CENPI: variants seen among roughly 807,000 people sequenced by gnomAD.
The protein encoded by CENPI is centromere protein I.
CENPI carries 4 observed loss-of-function variants against 60.4 expected under a neutral mutation model. The ratio of observed to expected loss-of-function variants is 0.07; its 90% confidence interval spans 0.03 to 0.15. The LOEUF is 0.15. Among genes scored for constraint, CENPI ranks in the 10% least tolerant of loss-of-function variants. The pLI, the probability that CENPI is intolerant of heterozygous loss-of-function variation, is 1.00. For missense variants in CENPI, 444 were observed against 534.5 expected, an observed-to-expected ratio of 0.83 and a Z score of 1.67; for synonymous variants, 157 against 189.4, an observed-to-expected ratio of 0.83 and a Z score of 1.40.
intron 8 of CENPI, among the ~76,000 whole-genome samples, chrX:101,121,160 G>A (rs886562104): frequency 1.8e-5 from 2 of 110,544 alleles, no homozygotes; most frequent in African/African-American, 3.3e-5. Context: ...ACAGGCGTAA[G>A]CCACCGCGCC....
intron 13 of CENPI, 142 bp downstream of exon 13, chrX:101,130,215 C>T (rs898234912): frequency 7.4e-6 from 3 of 404,587 alleles, no homozygotes; most frequent in Non-Finnish European, 4.4e-6. Context: ...GGGTGGATCA[C>T]TTGAGCCCAG....
Position 101,109,687 on chromosome X carries a change from T to G in CENPI, c.483+96T>G, listed in dbSNP as rs1171074822. ...ATGAAGTAATGGCATTGGCCTTTTG[T>G]GCAAAGCCTGTAGTTTTGGAACAAT... On this transcript the variant is annotated intron_variant, in intron 5 of 21. Coordinates refer to ENST00000682095, the MANE Select transcript of CENPI (RefSeq NM_001386188.2). 1.7e-5 allele frequency: 11 copies of G among 653,325 alleles called. No homozygotes were observed. The Admixed American group carries it at 3.0e-4, about 18-fold the overall frequency. The allele number at this position is 653,325 out of a possible 1,213,427, so 53.8% of individuals were successfully genotyped here.
At chrX:101,159,544 C>T (rs190940764) in intron 20 of CENPI, among the ~76,000 whole-genome samples, 125 of 109,071 alleles carry the variant, frequency 1.1e-3, no homozygotes, top group African/African-American at 3.3e-3. Context: ...CTGAAACCTC[C>T]GCCTCCCGAG....
intron 15 of CENPI, among the ~76,000 whole-genome samples, chrX:101,135,824 G>T (rs1024453754): frequency 9.0e-6 from 1 of 111,349 alleles, no homozygotes; most frequent in Non-Finnish European, 1.9e-5. Context: ...GGGTTCAAGC[G>T]ATTCTCTTGA....
chrX:101,146,637 G>A (rs1002778246), intron 18 of CENPI, among the ~76,000 whole-genome samples: 1 of 111,894 alleles, frequency 8.9e-6, no homozygotes, highest in Non-Finnish European at 1.9e-5. Flanking sequence ...TTTTCTGGGC[G>A]ATAAGGGGAG....
the CENPI span, among the ~76,000 whole-genome samples, chrX:101,181,431 T>C: frequency 1.1e-4 from 12 of 112,467 alleles, no homozygotes; most frequent in African/African-American, 3.2e-4. Flanking sequence ...AGTTTTCTAA[T>C]ACATGAACAC....
At chrX:101,175,250 T>C in the CENPI span, among the ~76,000 whole-genome samples, 1 of 112,677 alleles carries the variant, frequency 8.9e-6, no homozygotes, top group African/African-American at 3.2e-5. Context: ...ATCTTAGCAA[T>C]GTTTAGAATC....
chrX:101,173,140 C>T, the CENPI span, among the ~76,000 whole-genome samples: 368 of 103,676 alleles, frequency 3.5e-3, no homozygotes, highest in African/African-American at 0.012. Flanking sequence ...CTCAGCCTCC[C>T]GAGTAGCTGA....
downstream of CENPI, among the ~76,000 whole-genome samples, chrX:101,169,922 G>A (rs2090152786): frequency 9.3e-6 from 1 of 107,120 alleles, no homozygotes; most frequent in African/African-American, 3.4e-5. Flanking sequence ...GCTGTACAAT[G>A]TTTGTGTTCT....
chrX:101,114,210 T>C (rs1196811209), intron 6 of CENPI, among the ~76,000 whole-genome samples: 1 of 112,161 alleles, frequency 8.9e-6, no homozygotes, highest in Non-Finnish European at 1.9e-5. Context: ...TGAGCCAAGA[T>C]TGCGCCACTG....
chrX:101,150,469 C>T (rs1264097025), intron 20 of CENPI, among the ~76,000 whole-genome samples: 1 of 109,858 alleles, frequency 9.1e-6, no homozygotes, highest in Admixed American at 9.8e-5. Flanking sequence ...CTTGGGGGCT[C>T]AAGTGATCCT....
chrX:101,119,928 G>A (rs1235016042), intron 6 of CENPI, among the ~76,000 whole-genome samples: 1 of 111,640 alleles, frequency 9.0e-6, no homozygotes, highest in African/African-American at 3.3e-5. Context: ...GCTGAGTCAG[G>A]AGGATCACTT....
intron 4 of CENPI, among the ~76,000 whole-genome samples, chrX:101,103,823 A>G (rs1342252349): frequency 8.9e-6 from 1 of 112,323 alleles, no homozygotes; most frequent in Non-Finnish European, 1.9e-5. Flanking sequence ...CATCACAGAT[A>G]AAATGCAAAA....
chrX:101,123,296 C>T (rs2089699024), intron 8 of CENPI, among the ~76,000 whole-genome samples: 1 of 111,955 alleles, frequency 8.9e-6, no homozygotes, highest in African/African-American at 3.2e-5. Context: ...CCCATAGCTC[C>T]CAATCTATGA....
chrX:101,133,113 T>C (rs903771878), intron 15 of CENPI, among the ~76,000 whole-genome samples: 2 of 110,460 alleles, frequency 1.8e-5, no homozygotes, highest in Non-Finnish European at 3.8e-5. Context: ...AATCACTTAC[T>C]GTTGGCCACA....
intron 21 of CENPI, among the ~76,000 whole-genome samples, chrX:101,161,862 C>T (rs941037441): frequency 1.8e-5 from 2 of 111,983 alleles, no homozygotes; most frequent in East Asian, 5.6e-4. Flanking sequence ...CATACATAGG[C>T]TGGGCATTGT....
chrX:101,138,479 A>C (rs187513719), intron 15 of CENPI, among the ~76,000 whole-genome samples: 3 of 109,665 alleles, frequency 2.7e-5, no homozygotes, highest in Non-Finnish European at 5.7e-5. Context: ...CTGGGATTAC[A>C]GACATGCCCA....
At chrX:101,116,934 A>G (rs1344293220) in intron 6 of CENPI, among the ~76,000 whole-genome samples, 1 of 111,450 alleles carries the variant, frequency 9.0e-6, no homozygotes, top group African/African-American at 3.3e-5. Context: ...CCTGATAACT[A>G]ATGATATTGA....
the CENPI span, among the ~76,000 whole-genome samples, chrX:101,171,998 T>C: frequency 8.9e-6 from 1 of 111,811 alleles, no homozygotes; most frequent in East Asian, 2.8e-4. Flanking sequence ...ACGGACCAAA[T>C]ATCTGAATAT....
Sources: allele counts gnomAD v4.1 joint callset (sites outside exome capture counted in the v4.1 genomes callset), GRCh38; gene constraint gnomAD v4.1.1; transcripts MANE v1.5; gene names NCBI Gene and HGNC (gene_info 2026-07-23, HGNC 2026-07-21).